The following GPAT4 variants were observed in gnomAD, a reference collection of about 807,000 sequenced individuals.
GPAT4 encodes glycerol-3-phosphate acyltransferase 4, also known as 1-AGP acyltransferase 6.
In GPAT4, 17 loss-of-function variants were observed where a neutral mutation model predicts 58.0. That is an observed-to-expected ratio of 0.29 (90% confidence interval 0.20 to 0.44). GPAT4 has a LOEUF of 0.44. GPAT4 is among the 20% of genes least tolerant of loss of function. The probability of loss-of-function intolerance (pLI) is 1.00; values close to 1 mark genes in which losing one functional copy is unlikely to be tolerated. For missense variants in GPAT4, 377 were observed against 574.5 expected (o/e 0.66, Z 3.51); for synonymous variants, 204 against 210.1 (o/e 0.97, Z 0.25).
Position 41,609,809 on chromosome 8 carries a change from G to T in GPAT4, c.390G>T (p.Glu130Asp). The T allele has an allele frequency of 6.2e-7, 1 of 1,614,212 alleles. No homozygotes were observed. Among genetic ancestry groups the T allele is most frequent in the Non-Finnish European group, 8.5e-7 (1 of 1,180,042 alleles). Residue 130 changes from glutamate (E) to aspartate (D), a missense_variant, in exon 4 of 13, where the codon GAG becomes GAT. Physicochemically the swap from Glu to Asp is conservative, Grantham distance 45 (BLOSUM62 2). Transcript: ENST00000396987. ...GAATGGAGACCATTATGGATGATGAGGTGACAAAGAGATTCTCAGCAGAAG... is the reference window on the plus strand; with the variant it reads ...GAATGGAGACCATTATGGATGATGATGTGACAAAGAGATTCTCAGCAGAAG... Reference protein sequence around the residue: ...RKGMETIMDDEVTKRFSAEEL... With the variant: ...RKGMETIMDDDVTKRFSAEEL...
At position 41,610,804 on chromosome 8, in the gene GPAT4, A is replaced by G; in HGVS notation, c.605A>G (p.Asn202Ser). ...ACAACTGTGGTGGGATACTTGCCAA[A>G]TGGGAGGTGAGTAGAGTGTGGCAGT... is the stretch of plus-strand genomic sequence containing the variant. ...VGTTVVGYLP[N>S]GRFKEFMSKH... The change falls in exon 5 of 13, where the codon AAT (asparagine) becomes AGT (serine). Residue 202 changes from asparagine to serine, a missense_variant. Physicochemically the swap from Asn to Ser is conservative, Grantham distance 46. Transcript: ENST00000396987. 6.2e-7 allele frequency: 1 copy of G among 1,610,886 alleles called. No individual in the cohort carries two copies. Among genetic ancestry groups the G allele is most frequent in the Non-Finnish European group, 8.5e-7 (1 of 1,178,220 alleles).
intron 2 of GPAT4, among the ~76,000 whole-genome samples, chr8:41,602,348 C>T (rs906457220): frequency 1.3e-5 from 2 of 152,194 alleles, no homozygotes; most frequent in Non-Finnish European, 2.9e-5. Context: ...GATTTGCACT[C>T]CTTCCTTCCT....
intron 2 of GPAT4, among the ~76,000 whole-genome samples, chr8:41,603,592 T>G (rs1197969695): frequency 1.3e-5 from 2 of 151,520 alleles, no homozygotes; most frequent in African/African-American, 4.9e-5. Flanking sequence ...TGGGTAGGCG[T>G]TTTTTTAAAA....
At chr8:41,615,418 T>C (rs999649314) in intron 10 of GPAT4, among the ~76,000 whole-genome samples, 9 of 143,912 alleles carry the variant, frequency 6.3e-5, no homozygotes, top group African/African-American at 2.3e-4. Context: ...GGTTTTAAGC[T>C]GGATTTTTGC....
rs1803868483 is a variant in GPAT4 at position 41,624,838 on chromosome 8, G to C, written c.*3837G>C. ...CGTGTGTTGCGGGGGTGATTGCGCT[G>C]GCTGCCGGGGGGTGGGCTTCTCATA... On this transcript the variant is annotated 3_prime_UTR_variant, in exon 13 of 13. Coordinates refer to ENST00000396987, the MANE Select transcript of GPAT4 (RefSeq NM_178819.4). 1 of 152,130 alleles carries C rather than the reference G, an allele frequency of 6.6e-6. No individual in the cohort carries two copies. Among genetic ancestry groups the C allele is most frequent in the Admixed American group, 6.5e-5 (1 of 15,278 alleles). 9.4% of individuals were successfully genotyped at this position (152,130 alleles called of 1,614,324 possible).
rs1482034273 is a variant in GPAT4 at position 41,624,863 on chromosome 8, A to G, written c.*3862A>G. On this transcript the variant is annotated 3_prime_UTR_variant, in exon 13 of 13. Transcript: ENST00000396987. ...GGCTGCCGGGGGGTGGGCTTCTCAT[A>G]TGCATTCTGGCCGGCCAGCTGCATT... 2 of 152,010 alleles carry G rather than the reference A, an allele frequency of 1.3e-5. No homozygotes were observed. The highest frequency in any genetic ancestry group is 2.9e-5 in the Non-Finnish European group (2 of 68,024). The allele number at this position is 152,010 out of a possible 1,614,324, so 9.4% of individuals were successfully genotyped here.
intron 2 of GPAT4, among the ~76,000 whole-genome samples, chr8:41,604,676 C>T (rs190257129): frequency 9.2e-4 from 140 of 152,222 alleles, no homozygotes; most frequent in African/African-American, 3.2e-3. Context: ...GATCAGGTCA[C>T]GTTAGAGAAG....
In GPAT4 at chr8:41,623,330, T is replaced by C. The variant is rs1038753948; in HGVS notation, c.*2329T>C. ...GTTTGGGGTAACCGAGTTGGTCTTA[T>C]GGGGCAAAAACTCAAGACACTTAGA... is the stretch of plus-strand genomic sequence containing the variant. On this transcript the variant is annotated 3_prime_UTR_variant, in exon 13 of 13. Coordinates refer to ENST00000396987, the MANE Select transcript of GPAT4 (RefSeq NM_178819.4). 2.0e-5 allele frequency: 3 copies of C among 152,242 alleles called. No individual in the cohort carries two copies. Among genetic ancestry groups the C allele is most frequent in the South Asian group, 2.1e-4 (1 of 4,838 alleles). The allele number at this position is 152,242 out of a possible 1,614,324, so 9.4% of individuals were successfully genotyped here. A position where few individuals can be genotyped will look rare whatever the true frequency, so the allele number is the denominator to read the frequency against.
chr8:41,597,634 C>T (rs1275079493), intron 1 of GPAT4, among the ~76,000 whole-genome samples: 1 of 151,798 alleles, frequency 6.6e-6, no homozygotes, highest in African/African-American at 2.4e-5. Context: ...TTCGTTACAA[C>T]ATTATACAAA....
intron 1 of GPAT4, among the ~76,000 whole-genome samples, chr8:41,586,194 T>G (rs1202301179): frequency 6.6e-6 from 1 of 152,260 alleles, no homozygotes; most frequent in Non-Finnish European, 1.5e-5. Context: ...TTCAATGGGT[T>G]TCATTCACTT....
chr8:41,615,130 C>G, intron 10 of GPAT4, 82 bp downstream of exon 10: 2 of 1,274,598 alleles, frequency 1.6e-6, no homozygotes, highest in Non-Finnish European at 2.3e-6. Context: ...GAGGAAGGAG[C>G]TGGGGTCACC....
chr8:41,612,778 CT>C (rs1803480412), intron 7 of GPAT4, 66 bp from the exon 8 acceptor site: 1 of 1,387,570 alleles, frequency 7.2e-7, no homozygotes, highest in Admixed American at 2.1e-5. Flanking sequence ...AGATGTGGTT[CT>C]TCCTAGAGTG....
intron 8 of GPAT4, 50 bp from the exon 9 acceptor site, chr8:41,614,336 C>A (rs377015034): frequency 6.9e-7 from 1 of 1,456,876 alleles, no homozygotes; most frequent in East Asian, 2.3e-5. Flanking sequence ...CATATTTTGA[C>A]GATGTGTATA....
chr8:41,579,669 A>G (rs759165352), intron 1 of GPAT4, among the ~76,000 whole-genome samples: 37 of 152,042 alleles, frequency 2.4e-4, no homozygotes, highest in Non-Finnish European at 4.1e-4. Context: ...GAAACCCTGC[A>G]TATACTAAAA....
intron 2 of GPAT4, among the ~76,000 whole-genome samples, chr8:41,602,497 C>T (rs949385336): frequency 6.6e-6 from 1 of 152,068 alleles, no homozygotes; most frequent in Non-Finnish European, 1.5e-5. Context: ...GCCTGGGGTG[C>T]TCCGGAAGAG....
At chr8:41,607,213 G>T (rs186945678) in intron 2 of GPAT4, among the ~76,000 whole-genome samples, 12 of 152,220 alleles carry the variant, frequency 7.9e-5, no homozygotes, top group Admixed American at 2.0e-4. Flanking sequence ...TTAACAGGCT[G>T]TTCAGCCCTC....
rs1293970965 is a variant in GPAT4, at chr8:41,612,190, C to G, written c.712C>G (p.Pro238Ala). The G allele has an allele frequency of 1.9e-6, 3 of 1,614,188 alleles. No individual in the cohort carries two copies. In the South Asian group the frequency reaches 3.3e-5, roughly 18 times the overall value. ...ACATTTTAAACCCAGGGAAAACAGA[C>G]CAAGAAATGGTGGCATCTGTGTGGC... Reference protein sequence around the residue: ...IITYHDRENRPRNGGICVANH... With the variant: ...IITYHDRENRARNGGICVANH... Residue 238 changes from proline to alanine, a missense_variant, in exon 7 of 13, where the codon CCA (proline) becomes GCA (alanine). Coordinates refer to ENST00000396987, the MANE Select transcript of GPAT4 (RefSeq NM_178819.4).
intron 2 of GPAT4, among the ~76,000 whole-genome samples, chr8:41,604,077 C>T (rs1803188030): frequency 6.8e-6 from 1 of 148,120 alleles, no homozygotes. Context: ...CAGTCTTTGG[C>T]AATAAACATT....
chr8:41,622,359 G>A lies in GPAT4; in HGVS notation c.*1358G>A, dbSNP rs1803779289. 1 of 152,626 alleles carries A rather than the reference G, an allele frequency of 6.6e-6. No homozygotes were observed. 9.5% of individuals were successfully genotyped at this position (152,626 alleles called of 1,614,324 possible). A position where few individuals can be genotyped will look rare whatever the true frequency, so the allele number is the denominator to read the frequency against. On this transcript the variant is annotated 3_prime_UTR_variant, in exon 13 of 13. Coordinates refer to ENST00000396987, the MANE Select transcript of GPAT4 (RefSeq NM_178819.4). Reference sequence around the variant, plus strand: ...GCATGGCAGCTTCTGCACAGCCAGAGCAGGCACCACAGGAAAAGAGTCGGC... The same window carrying A: ...GCATGGCAGCTTCTGCACAGCCAGAACAGGCACCACAGGAAAAGAGTCGGC...
Sources: allele counts gnomAD v4.1 joint callset (sites outside exome capture counted in the v4.1 genomes callset), GRCh38; gene constraint gnomAD v4.1.1; transcripts MANE v1.5; gene names NCBI Gene and HGNC (gene_info 2026-07-23, HGNC 2026-07-21).